Variants in ASH1L observed in about 807,000 individuals in gnomAD.
ASH1L encodes histone-lysine N-methyltransferase ASH1L.
A neutral mutation model predicts 269.0 loss-of-function variants in ASH1L; 23 were observed. That is an observed-to-expected ratio of 0.09 (90% CI 0.06 to 0.12). The LOEUF (loss-of-function observed/expected upper bound fraction) is 0.12. Among genes scored for constraint, ASH1L ranks in the 10% least tolerant of loss-of-function variants. ASH1L has a pLI of 1.00. For synonymous variants in ASH1L, 1,187 were observed against 1,253.5 expected, an observed-to-expected ratio of 0.95 and a Z score of 1.12; for missense variants, 2,912 against 3,567.8, an observed-to-expected ratio of 0.82 and a Z score of 4.68.
At chr1:155,366,987 T>C (rs1364962375) in intron 12 of ASH1L, among the ~76,000 whole-genome samples, 1 of 149,290 alleles carries the variant, frequency 6.7e-6, no homozygotes, top group African/African-American at 2.5e-5. Flanking sequence ...GTAATGGGTT[T>C]GGTTTTTTTT....
intron 1 of ASH1L, among the ~76,000 whole-genome samples, chr1:155,545,172 C>T: frequency 7.5e-5 from 1 of 13,342 alleles, no homozygotes; most frequent in Non-Finnish European, 1.6e-4. Context: ...AACTCCATCT[C>T]ACCAAAAAAA....
In ASH1L at chr1:155,343,805, C is replaced by G. The variant is rs774687339; in HGVS notation, c.7982-63G>C. ...TTCTTGTATGAATTCTGTTAGGCATCTGTTTATCTGACTCAGGGTCTACAT... is the reference window on the plus strand; with the variant it reads ...TTCTTGTATGAATTCTGTTAGGCATGTGTTTATCTGACTCAGGGTCTACAT... On this transcript the variant is annotated intron_variant, in intron 22 of 27. Coordinates refer to ENST00000392403, the MANE Select transcript of ASH1L (RefSeq NM_018489.3). This position sits in a 1 kb window ranked among gnomAD's most constrained non-coding sequence, Gnocchi z 6.1. 2.5e-6 allele frequency: 4 copies of G among 1,577,546 alleles called. No individual in the cohort carries two copies. Among genetic ancestry groups the G allele is most frequent in the Non-Finnish European group, 3.5e-6 (4 of 1,155,502 alleles).
chr1:155,449,223 C>CA (rs1663276587), intron 4 of ASH1L, among the ~76,000 whole-genome samples: 1 of 151,902 alleles, frequency 6.6e-6, no homozygotes, highest in East Asian at 1.9e-4. Context: ...CGTGAGCCAC[C>CA]ACGCCCGGCC....
At chr1:155,462,737 G>A (rs1664398202) in intron 3 of ASH1L, among the ~76,000 whole-genome samples, 1 of 152,130 alleles carries the variant, frequency 6.6e-6, no homozygotes, top group Non-Finnish European at 1.5e-5. Context: ...ATTCAGGAAG[G>A]TTCTCATTTT....
At position 155,521,125 on chromosome 1, in the gene ASH1L, T is replaced by C. The variant is rs1334010226; in HGVS notation, c.395A>G (p.Lys132Arg). Reference protein sequence around the residue: ...ALKSGKMTDEKNEHCPSKRDP... With the variant: ...ALKSGKMTDERNEHCPSKRDP... ...TCGTTTTGAAGGACAGTGTTCATTCTTTTCATCCGTCATCTTTCCACTTTT... is the reference window on the plus strand; with the variant it reads ...TCGTTTTGAAGGACAGTGTTCATTCCTTTCATCCGTCATCTTTCCACTTTT... Residue 132 changes from lysine to arginine, a missense_variant, in exon 2 of 28, where the codon AAG becomes AGG. Physicochemically the swap from Lys to Arg is conservative, Grantham distance 26. Around this residue, in one of 13 missense-constraint regions of ASH1L, gnomAD observed 277 missense variants for 367.7 expected, o/e 0.75. Coordinates refer to ENST00000392403, the MANE Select transcript of ASH1L (RefSeq NM_018489.3). The C allele has an allele frequency of 6.2e-7, 1 of 1,605,066 alleles. No individual in the cohort carries two copies. The highest frequency in any genetic ancestry group is 1.3e-5 in the African/African-American group (1 of 74,250).
At chr1:155,523,936 G>A (rs1364794141) in intron 1 of ASH1L, among the ~76,000 whole-genome samples, 2 of 152,168 alleles carry the variant, frequency 1.3e-5, no homozygotes, top group African/African-American at 4.8e-5. Context: ...AATTTTGGCC[G>A]ATTGGGTAAC....
chr1:155,381,957 A>C (rs1657000571), intron 7 of ASH1L, among the ~76,000 whole-genome samples: 1 of 151,960 alleles, frequency 6.6e-6, no homozygotes, highest in Non-Finnish European at 1.5e-5. Context: ...CTGTAATCCC[A>C]GCACTTTGGG....
rs1464434759 is a variant in ASH1L, at chr1:155,338,515, A to T, written c.8502-125T>A. The T allele has an allele frequency of 4.1e-6, 3 of 730,492 alleles. No individual in the cohort carries two copies. In the African/African-American group the frequency reaches 5.3e-5, roughly 13 times the overall value. The allele number at this position is 730,492 out of a possible 1,614,324, so 45.3% of individuals were successfully genotyped here. ...AGTTAGAGCCTTAGCTTGAGGTAAGAAACTTGACTCTCGTTTTCACTTTAT... is the reference window on the plus strand; with the variant it reads ...AGTTAGAGCCTTAGCTTGAGGTAAGTAACTTGACTCTCGTTTTCACTTTAT... On this transcript the variant is annotated intron_variant, in intron 26 of 27. Transcript: ENST00000392403.
chr1:155,396,200 T>C (rs1658327355), intron 6 of ASH1L: 1 of 151,354 alleles, frequency 6.6e-6, no homozygotes, highest in African/African-American at 2.4e-5. Flanking sequence ...TTCATAAATA[T>C]ATAAAAGGGG....
rs1250441721 is a variant in ASH1L at position 155,562,651 on chromosome 1, C to T, written c.-598G>A. On this transcript the variant is annotated 5_prime_UTR_variant, in exon 1 of 28. Coordinates refer to ENST00000392403, the MANE Select transcript of ASH1L (RefSeq NM_018489.3). ...GCTCGTCGCTGGCTGCTCCCACCAA[C>T]CACCACCTTCGGCCGCCCCGCGCGC... The T allele has an allele frequency of 3.3e-6, 5 of 1,525,382 alleles. No individual in the cohort carries two copies. The highest frequency in any genetic ancestry group is 4.4e-6 in the Non-Finnish European group (5 of 1,140,102). The allele number at this position is 1,525,382 out of a possible 1,614,324, so 94.5% of individuals were successfully genotyped here. A position where few individuals can be genotyped will look rare whatever the true frequency, so the allele number is the denominator to read the frequency against.
At chr1:155,497,191 G>A (rs993533758) in intron 2 of ASH1L, among the ~76,000 whole-genome samples, 11 of 152,154 alleles carry the variant, frequency 7.2e-5, no homozygotes, top group African/African-American at 2.2e-4. Flanking sequence ...CCCAGAAGAA[G>A]TGAAAGCAGG....
In ASH1L at chr1:155,481,135, C is replaced by T. The variant is rs766139069; in HGVS notation, c.1735G>A (p.Ala579Thr). 7 of 1,613,998 alleles carry T rather than the reference C, an allele frequency of 4.3e-6. No homozygotes were observed. The highest frequency in any genetic ancestry group is 1.3e-5 in the African/African-American group (1 of 75,010). The change falls in exon 3 of 28, where the codon GCT becomes ACT. Residue 579 changes from alanine to threonine, a missense_variant. By Grantham distance (58) the Ala-to-Thr change is moderately conservative. Around this residue, in one of 13 missense-constraint regions of ASH1L, gnomAD observed 715 missense variants for 721.0 expected, o/e 0.99. Coordinates refer to ENST00000392403, the MANE Select transcript of ASH1L (RefSeq NM_018489.3). ...GAACTTAAAAGTAATGGATTAGGAGCCAACTGTGAAGAAGTTTCAGGGGGA... is the reference window on the plus strand; with the variant it reads ...GAACTTAAAAGTAATGGATTAGGAGTCAACTGTGAAGAAGTTTCAGGGGGA... ...RSPPETSSQL[A>T]PNPLLLSSTT... is the part of the protein sequence containing the mutation.
At chr1:155,540,045 G>C (rs1219737659) in intron 1 of ASH1L, among the ~76,000 whole-genome samples, 1 of 151,810 alleles carries the variant, frequency 6.6e-6, no homozygotes, top group Non-Finnish European at 1.5e-5. Flanking sequence ...TCCAGCCTGG[G>C]TGACAGAGCA....
chr1:155,522,325 T>C (rs1668947028), intron 1 of ASH1L, among the ~76,000 whole-genome samples: 1 of 152,180 alleles, frequency 6.6e-6, no homozygotes, highest in Non-Finnish European at 1.5e-5. Context: ...ATCTATCATA[T>C]GCCAGGCATC....
intron 1 of ASH1L, among the ~76,000 whole-genome samples, chr1:155,548,428 C>G (rs1670976556): frequency 6.6e-6 from 1 of 152,152 alleles, no homozygotes; most frequent in Admixed American, 6.5e-5. Flanking sequence ...GAGGCTGAGG[C>G]AGGAGAACTG....
intron 6 of ASH1L, among the ~76,000 whole-genome samples, chr1:155,396,725 A>G (rs1279588611): frequency 6.6e-6 from 1 of 151,712 alleles, no homozygotes; most frequent in Non-Finnish European, 1.5e-5. Context: ...GCACTTTGGA[A>G]GGCCGAGGCG....
At chr1:155,561,974 G>A (rs1672005929) in intron 1 of ASH1L, 179 bp downstream of exon 1, 1 of 545,740 alleles carries the variant, frequency 1.8e-6, no homozygotes, top group African/African-American at 1.9e-5. Flanking sequence ...CCTTCACCCC[G>A]CCTGGAGGGA....
chr1:155,378,623 T>C, intron 8 of ASH1L, 75 bp from the exon 9 acceptor site: 1 of 1,226,438 alleles, frequency 8.2e-7, no homozygotes, highest in Non-Finnish European at 1.2e-6. Context: ...TCACTAAAAA[T>C]ACAGGAAATT....
In ASH1L at chr1:155,354,486, C is replaced by G. The variant is rs1478209084; in HGVS notation, c.7200G>C (p.Gly2400=). ...TRWNGICRDD[G]NIKSDVFMTQ... ...CAAATGCCTTACCAGACTTGATATTCCCATCATCTCGGCAGATCCCATTCC... is the reference window on the plus strand; with the variant it reads ...CAAATGCCTTACCAGACTTGATATTGCCATCATCTCGGCAGATCCCATTCC... The change falls in exon 16 of 28, where the codon GGG becomes GGC. Residue 2400 remains glycine, a synonymous_variant. Coordinates refer to ENST00000392403, the MANE Select transcript of ASH1L (RefSeq NM_018489.3). 2 of 1,606,288 alleles carry G rather than the reference C, an allele frequency of 1.2e-6. No homozygotes were observed. The highest frequency in any genetic ancestry group is 1.7e-6 in the Non-Finnish European group (2 of 1,178,076).
Sources: allele counts gnomAD v4.1 joint callset (sites outside exome capture counted in the v4.1 genomes callset), GRCh38; gene constraint gnomAD v4.1.1; regional missense constraint gnomAD v4.1.1; non-coding constraint Gnocchi (gnomAD v3.1); transcripts MANE v1.5; gene names NCBI Gene and HGNC (gene_info 2026-07-23, HGNC 2026-07-21).